The following COL10A1 variants were observed in gnomAD, a reference collection of about 807,000 sequenced individuals.
The protein encoded by COL10A1 is collagen alpha-1(X) chain.
In COL10A1, 10 loss-of-function variants were observed where a neutral mutation model predicts 18.2. The observed-to-expected ratio is 0.55, with a 90% CI of 0.34 to 0.93. The LOEUF (loss-of-function observed/expected upper bound fraction) is 0.93. COL10A1 is among the 40% of genes least tolerant of loss of function. The probability of loss-of-function intolerance (pLI) is 0.02; values close to 1 mark genes in which losing one functional copy is unlikely to be tolerated. For missense variants in COL10A1, 897 were observed against 853.5 expected (o/e 1.05, Z -0.64); for synonymous variants, 330 against 316.6 (o/e 1.04, Z -0.45).
the COL10A1 span, among the ~76,000 whole-genome samples, chr6:116,213,490 C>T: frequency 6.6e-6 from 1 of 152,214 alleles, no homozygotes; most frequent in African/African-American, 2.4e-5. Context: ...GTCATTCGCA[C>T]TGCATTCTAT....
chr6:116,186,675 A>T, the COL10A1 span, among the ~76,000 whole-genome samples: 18 of 152,132 alleles, frequency 1.2e-4, no homozygotes, highest in Non-Finnish European at 2.5e-4. Context: ...TGTTGCTGCG[A>T]GTTTCCAGTG....
At chr6:116,147,302 C>T (rs190131665) in intron 1 of COL10A1, among the ~76,000 whole-genome samples, 5 of 151,888 alleles carry the variant, frequency 3.3e-5, no homozygotes, top group African/African-American at 9.6e-5. Flanking sequence ...AGTAGCTGGG[C>T]GTGGTGGCAT....
At chr6:116,163,141 A>AATATATATATAT (rs1554197063), upstream of COL10A1, among the ~76,000 whole-genome samples, 11 of 88,378 alleles carry the variant, frequency 1.2e-4, no homozygotes, top group African/African-American at 5.2e-4. Context: ...AAAAAAAAAA[A>AATATATATATAT]ATATATATAT....
Position 116,140,525 on chromosome 6 carries a change from A to G in COL10A1, c.-15-15018T>C, listed in dbSNP as rs1255530619. On this transcript the variant is annotated intron_variant, in intron 1 of 1. Transcript: ENST00000418500. Reference sequence around the variant, plus strand: ...TAATTCAATGAACACATGTATGTGTATCTGCTACCCAGCAAAAGAAACTTA... The same window carrying G: ...TAATTCAATGAACACATGTATGTGTGTCTGCTACCCAGCAAAAGAAACTTA... 2.6e-5 allele frequency among the ~76,000 whole-genome samples: 4 copies of G among 152,132 alleles called. No individual in the cohort carries two copies. In the East Asian group the frequency reaches 5.8e-4, roughly 22 times the overall value.
At chr6:116,197,363 C>T in the COL10A1 span, among the ~76,000 whole-genome samples, 1 of 152,000 alleles carries the variant, frequency 6.6e-6, no homozygotes, top group African/African-American at 2.4e-5. Context: ...GTCCTTGATT[C>T]TCTGCTAGGT....
At chr6:116,153,628 C>A (rs1780108362) in intron 1 of COL10A1, among the ~76,000 whole-genome samples, 1 of 152,054 alleles carries the variant, frequency 6.6e-6, no homozygotes, top group South Asian at 2.1e-4. Flanking sequence ...AGTTAGGCTT[C>A]AGAAATAGAA....
At chr6:116,176,771 C>T in the COL10A1 span, among the ~76,000 whole-genome samples, 6 of 152,046 alleles carry the variant, frequency 3.9e-5, no homozygotes, top group Non-Finnish European at 7.4e-5. Context: ...CAGGTAGCAC[C>T]GAAGCACTGT....
the COL10A1 span, among the ~76,000 whole-genome samples, chr6:116,191,557 A>G: frequency 6.6e-6 from 1 of 152,094 alleles, no homozygotes; most frequent in Non-Finnish European, 1.5e-5. Flanking sequence ...GTAATAAATT[A>G]TACCTTAAAA....
chr6:116,121,761 C>A lies in COL10A1; in HGVS notation c.355G>T (p.Glu119Ter). The A allele has an allele frequency of 6.2e-7, 1 of 1,613,922 alleles. No homozygotes were observed. Among genetic ancestry groups the A allele is most frequent in the Non-Finnish European group, 8.5e-7 (1 of 1,179,962 alleles). ...GVPGLPGKPG[E>*]RGPYGPKGDV... ...CCTTTTGGTCCATATGGTCCTCTCT[C>A]TCCTGGTTTTCCTGGGAGTCCTGGC... Residue 119 changes from glutamate (E) to a stop codon, truncating the protein, a stop_gained, in exon 3 of 3, where the codon GAG becomes TAG. Coordinates refer to ENST00000651968, the MANE Select transcript of COL10A1 (RefSeq NM_000493.4). LOFTEE classifies it low-confidence loss of function (END_TRUNC).
the COL10A1 span, among the ~76,000 whole-genome samples, chr6:116,213,881 A>G: frequency 6.6e-6 from 1 of 152,042 alleles, no homozygotes; most frequent in South Asian, 2.1e-4. Flanking sequence ...GCCAAGCACT[A>G]TGAGATGGAT....
At chr6:116,210,905 G>T in the COL10A1 span, among the ~76,000 whole-genome samples, 6,269 of 152,042 alleles carry the variant, frequency 0.041, 164 homozygotes, top group African/African-American at 0.073. Context: ...ATGTTTGGCA[G>T]CTAGTCTACA....
intron 1 of COL10A1, among the ~76,000 whole-genome samples, chr6:116,150,549 C>T (rs1054827088): frequency 3.3e-5 from 5 of 152,068 alleles, no homozygotes; most frequent in African/African-American, 7.2e-5. Flanking sequence ...CCTCCCAAAA[C>T]GCTGGGATTA....
At chr6:116,163,283 T>C (rs1236523693), upstream of COL10A1, among the ~76,000 whole-genome samples, 1 of 150,952 alleles carries the variant, frequency 6.6e-6, no homozygotes, top group Non-Finnish European at 1.5e-5. Context: ...CTTTTATTAC[T>C]GATTCAATTT....
At chr6:116,188,690 T>C in the COL10A1 span, among the ~76,000 whole-genome samples, 1 of 141,424 alleles carries the variant, frequency 7.1e-6, no homozygotes, top group East Asian at 2.0e-4. Context: ...ACTTCTGGTA[T>C]CCTGGAAATT....
At chr6:116,140,127 T>C (rs1165470897) in intron 1 of COL10A1, among the ~76,000 whole-genome samples, 5 of 152,186 alleles carry the variant, frequency 3.3e-5, no homozygotes, top group African/African-American at 7.2e-5. Flanking sequence ...CGCCCTCCTA[T>C]GGACACCAAT....
chr6:116,140,314 T>C (rs471766), intron 1 of COL10A1, among the ~76,000 whole-genome samples: 91,756 of 152,004 alleles, frequency 0.6, 29,701 homozygotes, highest in African/African-American at 0.85. Flanking sequence ...TTAGCTAATA[T>C]ACTTTCTCAG....
At chr6:116,166,149 G>A in the COL10A1 span, among the ~76,000 whole-genome samples, 1 of 152,148 alleles carries the variant, frequency 6.6e-6, no homozygotes, top group African/African-American at 2.4e-5. Context: ...GGATTCAGAG[G>A]TTCTCGGGAG....
chr6:116,146,510 C>T (rs1440554475), intron 1 of COL10A1, among the ~76,000 whole-genome samples: 1 of 152,132 alleles, frequency 6.6e-6, no homozygotes, highest in Non-Finnish European at 1.5e-5. Flanking sequence ...TAGCTGGCCA[C>T]TTGGAACTTT....
At chr6:116,173,382 G>T in the COL10A1 span, among the ~76,000 whole-genome samples, 1 of 152,132 alleles carries the variant, frequency 6.6e-6, no homozygotes, top group African/African-American at 2.4e-5. Context: ...CTCCCATCTG[G>T]GGTGGGAAAA....
Sources: allele counts gnomAD v4.1 joint callset (sites outside exome capture counted in the v4.1 genomes callset), GRCh38; gene constraint gnomAD v4.1.1; transcripts MANE v1.5; gene names NCBI Gene and HGNC (gene_info 2026-07-23, HGNC 2026-07-21).